The following DNASE1L1 variants were observed in gnomAD, a reference collection of about 807,000 sequenced individuals.
The protein encoded by DNASE1L1 is deoxyribonuclease-1-like 1.
A neutral mutation model predicts 18.6 loss-of-function variants in DNASE1L1; 8 were observed. The ratio of observed to expected loss-of-function variants is 0.43; its 90% CI spans 0.25 to 0.78. The LOEUF is 0.78. DNASE1L1 is among the 30% of genes least tolerant of loss of function. DNASE1L1 has a pLI of 0.23. For synonymous variants in DNASE1L1, 114 were observed against 114.2 expected (o/e 1.00, Z 0.01); for missense variants, 214 against 258.2 (o/e 0.83, Z 1.17).
Position 154,402,555 on chromosome X carries a change from G to A in DNASE1L1, c.*152C>T. On this transcript the variant is annotated 3_prime_UTR_variant, in exon 8 of 8. Coordinates refer to ENST00000369807, the MANE Select transcript of DNASE1L1 (RefSeq NM_001303620.2). ...TAATCTAGGCACAAGCCCAACCAAA[G>A]AACAAGAGCCAAATCAAACAAGGCA... The A allele has an allele frequency of 5.0e-6, 3 of 596,310 alleles. No individual in the cohort carries two copies. The highest frequency in any genetic ancestry group is 7.6e-6 in the Non-Finnish European group (3 of 395,251). The allele number at this position is 596,310 out of a possible 1,213,427, so 49.1% of individuals were successfully genotyped here. A position where few individuals can be genotyped will look rare whatever the true frequency, so the allele number is the denominator to read the frequency against.
intron 1 of DNASE1L1, chrX:154,408,410 T>C (rs186380229): frequency 1.8e-4 from 20 of 111,709 alleles, no homozygotes; most frequent in African/African-American, 4.6e-4. Context: ...GTGTGCATTT[T>C]AAAAGGTCTC....
intron 1 of DNASE1L1, among the ~76,000 whole-genome samples, chrX:154,408,099 AT>A (rs1243845475): frequency 1.8e-5 from 2 of 109,207 alleles, no homozygotes; most frequent in Non-Finnish European, 3.8e-5. Flanking sequence ...CACCCGGCTA[AT>A]TTTTGTACTT....
upstream of DNASE1L1, among the ~76,000 whole-genome samples, chrX:154,410,387 T>C (rs1370462312): frequency 9.3e-6 from 1 of 107,920 alleles, no homozygotes; most frequent in African/African-American, 3.4e-5. Flanking sequence ...ACCCAGCCTC[T>C]ACTAAAAATA....
Position 154,405,555 on chromosome X carries a change from G to C in DNASE1L1, c.14C>G (p.Thr5Ser), listed in dbSNP as rs141794041. 4.2e-6 allele frequency: 5 copies of C among 1,177,602 alleles called. No individual in the cohort carries two copies. The highest frequency in any genetic ancestry group is 4.6e-6 in the Non-Finnish European group (4 of 874,512). Reference sequence around the variant, plus strand: ...GGCCAGGATGAGGAAGAGGAGTGCAGTTGGGTAGTGCATGGCTGTGTGTGG... The same window carrying C: ...GGCCAGGATGAGGAAGAGGAGTGCACTTGGGTAGTGCATGGCTGTGTGTGG... MHYP[T>S]ALLFLILANG... is the part of the protein sequence containing the mutation. The change falls in exon 2 of 8, where the codon ACT becomes AGT. Residue 5 changes from threonine (T) to serine (S), a missense_variant. Transcript: ENST00000369807.
intron 2 of DNASE1L1, 53 bp downstream of exon 2, chrX:154,405,381 G>A: frequency 8.7e-7 from 1 of 1,151,257 alleles, no homozygotes; most frequent in Admixed American, 2.5e-5. Context: ...CAGGGATGGG[G>A]GCTTTGGCTC....
intron 4 of DNASE1L1, 197 bp from the exon 5 acceptor site, chrX:154,403,819 G>A (rs782600242): frequency 7.1e-6 from 3 of 423,852 alleles, no homozygotes; most frequent in Non-Finnish European, 1.2e-5. Context: ...TATACAACAC[G>A]GTTCTTTTGT....
In DNASE1L1 at chrX:154,403,691, C is replaced by T. The variant is rs1371708257; in HGVS notation, c.312-69G>A. On this transcript the variant is annotated intron_variant, in intron 4 of 7. Transcript: ENST00000369807. Reference sequence around the variant, plus strand: ...ATTTTGGCTTGCAAGTGCCAAACGGCGCTCAGGGAGGGGCCCTCCACTAAC... The same window carrying T: ...ATTTTGGCTTGCAAGTGCCAAACGGTGCTCAGGGAGGGGCCCTCCACTAAC... 41 of 957,775 alleles carry T rather than the reference C, an allele frequency of 4.3e-5. 1 individual carries two copies. In the Admixed American group the frequency reaches 4.9e-4, roughly 12 times the overall value. 78.9% of individuals were successfully genotyped at this position (957,775 alleles called of 1,213,427 possible).
At chrX:154,410,369 A>G (rs2068247101), upstream of DNASE1L1, among the ~76,000 whole-genome samples, 1 of 109,945 alleles carries the variant, frequency 9.1e-6, no homozygotes, top group African/African-American at 3.3e-5. Context: ...CTTGACCAAC[A>G]TGAAGAAACC....
chrX:154,403,462 T>G (rs1557187588), intron 5 of DNASE1L1, 60 bp downstream of exon 5: 4 of 1,194,607 alleles, frequency 3.3e-6, no homozygotes, highest in Non-Finnish European at 4.5e-6. Context: ...AAGCCCCCAG[T>G]GGAGCCAGCC....
At chrX:154,407,688 C>T (rs1211234999) in intron 1 of DNASE1L1, among the ~76,000 whole-genome samples, 1 of 96,728 alleles carries the variant, frequency 1.0e-5, no homozygotes, top group Non-Finnish European at 2.1e-5. Context: ...CTCTGCCTTC[C>T]GGGTTCAAGT....
upstream of DNASE1L1, chrX:154,411,836 G>A (rs782614882): frequency 2.5e-6 from 3 of 1,181,904 alleles, no homozygotes; most frequent in Non-Finnish European, 2.3e-6. Context: ...GCCGCGGGCC[G>A]GGTGGGGATG....
Position 154,408,712 on chromosome X carries a change from G to A in DNASE1L1, c.-88+400C>T, listed in dbSNP as rs782219171. 5.3e-4 allele frequency: 62 copies of A among 116,810 alleles called. No individual in the cohort carries two copies. The Middle Eastern group carries it at 0.017, about 32-fold the overall frequency. 9.6% of individuals were successfully genotyped at this position (116,810 alleles called of 1,213,427 possible). On this transcript the variant is annotated intron_variant, in intron 1 of 7. Transcript: ENST00000369807. ...TTCCTACCTCTCTGAGGCTCTGTCC[G>A]TCTCTGTCTCACTTTCCCTCTCGTC...
Position 154,402,647 on chromosome X carries a change from C to T in DNASE1L1, c.*60G>A, listed in dbSNP as rs782259110. 5.0e-5 allele frequency: 56 copies of T among 1,114,152 alleles called. No homozygotes were observed. Among genetic ancestry groups the T allele is most frequent in the Admixed American group, 3.2e-4 (12 of 37,697 alleles). 91.8% of individuals were successfully genotyped at this position (1,114,152 alleles called of 1,213,427 possible). A position where few individuals can be genotyped will look rare whatever the true frequency, so the allele number is the denominator to read the frequency against. ...CCCCCCAGCCCCAGGGCTGGATGGACGGGGGAGGCTGGGGTTTAAGTCCCA... is the reference window on the plus strand; with the variant it reads ...CCCCCCAGCCCCAGGGCTGGATGGATGGGGGAGGCTGGGGTTTAAGTCCCA... On this transcript the variant is annotated 3_prime_UTR_variant, in exon 8 of 8. Transcript: ENST00000369807.
At position 154,402,989 on chromosome X, in the gene DNASE1L1, C is replaced by G. The variant is rs782340452; in HGVS notation, c.727G>C (p.Ala243Pro). ...GERCRSLLHT[A>P]AAFDFPTSFQ... ...CTCGTGGGGAAGTCAAAGGCAGCCGCAGTGTGCAGCAGACTCCGGCAGCGC... is the reference window on the plus strand; with the variant it reads ...CTCGTGGGGAAGTCAAAGGCAGCCGGAGTGTGCAGCAGACTCCGGCAGCGC... Residue 243 changes from alanine (A) to proline (P), a missense_variant, in exon 7 of 8, where the codon GCG becomes CCG. Transcript: ENST00000369807. 6 of 1,211,360 alleles carry G rather than the reference C, an allele frequency of 5.0e-6. No homozygotes were observed. Among genetic ancestry groups the G allele is most frequent in the Non-Finnish European group, 6.7e-6 (6 of 895,540 alleles).
Sources: gnomAD v4.1 joint callset for allele counts (sites outside exome capture counted in the v4.1 genomes callset) on GRCh38, gnomAD v4.1.1 for gene constraint, MANE v1.5 for transcripts, NCBI Gene and HGNC (gene_info 2026-07-23, HGNC 2026-07-21) for gene names.